AGBL4: variants seen among roughly 807,000 people sequenced by gnomAD.
The protein encoded by AGBL4 is AGBL carboxypeptidase 4, also known as cytosolic carboxypeptidase 6.
AGBL4 carries 58 observed loss-of-function variants against 66.4 expected under a neutral mutation model. The ratio of observed to expected loss-of-function variants is 0.87; its 90% CI spans 0.71 to 1.09. The LOEUF is 1.09. Ranked by LOEUF, AGBL4 falls within the 50% of genes least tolerant of loss-of-function variation. The probability of loss-of-function intolerance (pLI) is 0.00; values close to 1 mark genes in which losing one functional copy is unlikely to be tolerated. For synonymous variants in AGBL4, 234 were observed against 222.9 expected, an observed-to-expected ratio of 1.05 and a Z score of -0.44; for missense variants, 579 against 631.0, an observed-to-expected ratio of 0.92 and a Z score of 0.88.
chr1:49,820,273 G>T (rs1645335597), intron 2 of AGBL4, among the ~76,000 whole-genome samples: 1 of 152,128 alleles, frequency 6.6e-6, no homozygotes, highest in South Asian at 2.1e-4. Context: ...AGATTAACTT[G>T]ATATAAATAA....
chr1:48,647,455 G>GT (rs1166784745), intron 8 of AGBL4: 7 of 267,002 alleles, frequency 2.6e-5, no homozygotes, highest in African/African-American at 1.1e-4. Context: ...GTAACAAAAA[G>GT]TAATTGTCAT....
intron 5 of AGBL4, among the ~76,000 whole-genome samples, chr1:49,004,126 T>A (rs1336717487): frequency 6.6e-6 from 1 of 152,180 alleles, no homozygotes; most frequent in Non-Finnish European, 1.5e-5. Context: ...CCTCTCTTAC[T>A]CCGCATAACT....
intron 1 of AGBL4, among the ~76,000 whole-genome samples, chr1:49,880,817 G>A (rs541561692): frequency 6.6e-6 from 1 of 151,812 alleles, no homozygotes; most frequent in South Asian, 2.1e-4. Flanking sequence ...GCGAGATTCC[G>A]TGGGCGTAGG....
chr1:49,397,048 A>G (rs1217702931), intron 3 of AGBL4, among the ~76,000 whole-genome samples: 1 of 152,148 alleles, frequency 6.6e-6, no homozygotes, highest in Non-Finnish European at 1.5e-5. Context: ...TCACACTTCT[A>G]TGAGGATCTA....
At chr1:48,838,679 C>T (rs139327008) in intron 6 of AGBL4, among the ~76,000 whole-genome samples, 9 of 151,910 alleles carry the variant, frequency 5.9e-5, no homozygotes, top group Admixed American at 3.3e-4. Flanking sequence ...AAGCAAAAAT[C>T]GACAAATGGG....
At chr1:49,137,611 T>C (rs1369727746) in intron 4 of AGBL4, among the ~76,000 whole-genome samples, 3 of 152,150 alleles carry the variant, frequency 2.0e-5, no homozygotes, top group Non-Finnish European at 4.4e-5. Flanking sequence ...TCTTTATTCT[T>C]AGGCCAGTGG....
intron 6 of AGBL4, among the ~76,000 whole-genome samples, chr1:48,696,154 C>G (rs56970582): frequency 0.12 from 18,614 of 152,076 alleles, 3,729 homozygotes; most frequent in African/African-American, 0.42. Context: ...TTATCTCTCT[C>G]TGTGTCCTCT....
chr1:49,134,475 G>GCCCCCCCCCCCCC (rs57286157), intron 4 of AGBL4, among the ~76,000 whole-genome samples: 7 of 112,702 alleles, frequency 6.2e-5, no homozygotes, highest in African/African-American at 9.9e-5. Context: ...ATTTTGGAGG[G>GCCCCCCCCCCCCC]CCCCCCCCCC....
At chr1:49,633,372 G>A (rs571279447) in intron 3 of AGBL4, among the ~76,000 whole-genome samples, 2 of 152,176 alleles carry the variant, frequency 1.3e-5, no homozygotes, top group Non-Finnish European at 2.9e-5. Context: ...ACATATTGGA[G>A]GGGCTCAAGG....
intron 3 of AGBL4, among the ~76,000 whole-genome samples, chr1:49,418,899 T>A (rs1361428580): frequency 6.6e-6 from 1 of 152,170 alleles, no homozygotes; most frequent in Non-Finnish European, 1.5e-5. Context: ...TTAACAGATT[T>A]AAAAAATGTT....
At chr1:48,944,346 T>A (rs1315138506) in intron 5 of AGBL4, among the ~76,000 whole-genome samples, 2 of 152,188 alleles carry the variant, frequency 1.3e-5, no homozygotes, top group Non-Finnish European at 2.9e-5. Flanking sequence ...CCATCCATTA[T>A]ACTGATTGAT....
Position 49,132,166 on chromosome 1 carries a change from A to G in AGBL4, c.378-86366T>C, listed in dbSNP as rs12040639. ...AGTGTGTGGTCACATGGAATTCATA[A>G]ATTTAGGACAGTGTGGTTAACACGA... On this transcript the variant is annotated intron_variant, in intron 4 of 13. Transcript: ENST00000371839. Among the ~76,000 whole-genome samples the G allele has an allele frequency of 6.2e-4, 95 of 152,232 alleles. 2 individuals carry two copies. The East Asian group carries it at 0.017, about 27-fold the overall frequency.
intron 2 of AGBL4, among the ~76,000 whole-genome samples, chr1:49,707,062 G>T (rs1223671973): frequency 6.6e-6 from 1 of 152,028 alleles, no homozygotes; most frequent in Non-Finnish European, 1.5e-5. Context: ...TATTAGGTCT[G>T]CTTGGTCCAC....
chr1:49,207,566 C>CT (rs1648310743), intron 4 of AGBL4, among the ~76,000 whole-genome samples: 1 of 112,830 alleles, frequency 8.9e-6, no homozygotes, highest in Non-Finnish European at 1.9e-5. Context: ...TTCTTTCTTT[C>CT]TTTCTTTCTT....
chr1:49,849,335 C>T (rs915197778), intron 2 of AGBL4, among the ~76,000 whole-genome samples: 10 of 151,632 alleles, frequency 6.6e-5, no homozygotes, highest in Admixed American at 1.3e-4. Context: ...TAAATTCTGA[C>T]GAGTCTTCTT....
intron 2 of AGBL4, among the ~76,000 whole-genome samples, chr1:49,706,126 C>G: frequency 6.6e-6 from 1 of 152,236 alleles, no homozygotes; most frequent in East Asian, 1.9e-4. Flanking sequence ...AGGAATGGTA[C>G]CAGTTCCTCT....
intron 3 of AGBL4, among the ~76,000 whole-genome samples, chr1:49,501,902 G>A (rs1020421890): frequency 1.3e-4 from 20 of 152,030 alleles, no homozygotes; most frequent in African/African-American, 4.3e-4. Context: ...TATTTTCCAT[G>A]TATTTGTCAA....
rs557411452 is a variant in AGBL4 at position 49,664,702 on chromosome 1, T to C, written c.282+32611A>G. On this transcript the variant is annotated intron_variant, in intron 3 of 13. Coordinates refer to ENST00000371839, the MANE Select transcript of AGBL4 (RefSeq NM_032785.4). ...ATTGGTATCTTTGGCTCATATTCAG[T>C]GTATCCCACATTTCTGACAGCTTTC... is the stretch of plus-strand genomic sequence containing the variant. 3.3e-5 allele frequency among the ~76,000 whole-genome samples: 5 copies of C among 152,238 alleles called. No individual in the cohort carries two copies. The East Asian group carries it at 9.7e-4, about 29-fold the overall frequency.
At chr1:48,689,363 T>C (rs1646587812) in intron 6 of AGBL4, among the ~76,000 whole-genome samples, 1 of 152,192 alleles carries the variant, frequency 6.6e-6, no homozygotes, top group South Asian at 2.1e-4. Flanking sequence ...GGCTGCATTA[T>C]GGATGACGGT....
Sources: gnomAD v4.1 joint callset for allele counts (sites outside exome capture counted in the v4.1 genomes callset) on GRCh38, gnomAD v4.1.1 for gene constraint, MANE v1.5 for transcripts, NCBI Gene and HGNC (gene_info 2026-07-23, HGNC 2026-07-21) for gene names.